Variants in GRIK2 observed in about 807,000 individuals in gnomAD.
GRIK2 encodes glutamate receptor ionotropic, kainate 2.
In GRIK2, 32 loss-of-function variants were observed where a neutral mutation model predicts 100.3. The observed-to-expected ratio is 0.32, with a 90% confidence interval of 0.24 to 0.43. GRIK2 has a LOEUF of 0.43. Among genes scored for constraint, GRIK2 ranks in the 20% least tolerant of loss-of-function variants. The pLI, the probability that GRIK2 is intolerant of heterozygous loss-of-function variation, is 1.00. For synonymous variants in GRIK2, 417 were observed against 389.4 expected, an observed-to-expected ratio of 1.07 and a Z score of -0.83; for missense variants, 843 against 1,114.9, an observed-to-expected ratio of 0.76 and a Z score of 3.47.
intron 2 of GRIK2, among the ~76,000 whole-genome samples, chr6:101,418,973 T>C (rs1031811570): frequency 1.3e-5 from 2 of 152,172 alleles, no homozygotes; most frequent in African/African-American, 4.8e-5. Context: ...TTTAATATAA[T>C]GTCTACATGA....
chr6:101,836,621 A>ATG (rs1562426740), intron 10 of GRIK2, among the ~76,000 whole-genome samples: 1 of 134,128 alleles, frequency 7.5e-6, no homozygotes, highest in East Asian at 2.1e-4. Flanking sequence ...ATATATAGTT[A>ATG]TATATATATA....
chr6:101,875,601 A>AT (rs1199557126), intron 11 of GRIK2, among the ~76,000 whole-genome samples: 2 of 151,662 alleles, frequency 1.3e-5, no homozygotes, highest in Non-Finnish European at 2.9e-5. Context: ...TGTTTTCTAA[A>AT]TTTGCTTTCT....
At chr6:102,043,973 C>T (rs977271376) in intron 15 of GRIK2, among the ~76,000 whole-genome samples, 7 of 151,930 alleles carry the variant, frequency 4.6e-5, no homozygotes, top group African/African-American at 1.7e-4. Context: ...TGAGGCCTCC[C>T]TAACCACAAA....
chr6:101,529,294 T>G (rs1775304394), intron 2 of GRIK2, among the ~76,000 whole-genome samples: 1 of 152,052 alleles, frequency 6.6e-6, no homozygotes, highest in African/African-American at 2.4e-5. Context: ...TGCTTGGCAT[T>G]TAGAGGAATG....
At chr6:101,683,242 A>T (rs1157568140) in intron 6 of GRIK2, among the ~76,000 whole-genome samples, 2 of 151,990 alleles carry the variant, frequency 1.3e-5, no homozygotes, top group Non-Finnish European at 2.9e-5. Flanking sequence ...AAAAGCACAA[A>T]TTCTTATGTT....
chr6:101,524,386 T>TTATA (rs10535374), intron 2 of GRIK2, among the ~76,000 whole-genome samples: 5 of 149,044 alleles, frequency 3.4e-5, no homozygotes, highest in East Asian at 2.0e-4. Context: ...ATGCCCCATT[T>TTATA]TATATATATA....
rs80315773 is a variant in GRIK2 at position 101,533,514 on chromosome 6, C to T, written c.116-88435C>T. On this transcript the variant is annotated intron_variant, in intron 2 of 16. Transcript: ENST00000369134. ...TTTTTCACACTTTGTTGTACCCTCC[C>T]TCTGATGTCCTTTGTAAGGTATCAT... 8.6e-5 allele frequency among the ~76,000 whole-genome samples: 13 copies of T among 151,994 alleles called. No individual in the cohort carries two copies. The East Asian group carries it at 2.3e-3, about 27-fold the overall frequency.
chr6:101,610,283 T>A (rs1384403104), intron 2 of GRIK2, among the ~76,000 whole-genome samples: 4 of 151,652 alleles, frequency 2.6e-5, no homozygotes, highest in East Asian at 1.9e-4. Context: ...AAATTACATA[T>A]GTAGATTGCT....
At chr6:101,475,520 A>G (rs568983089) in intron 2 of GRIK2, among the ~76,000 whole-genome samples, 1 of 151,796 alleles carries the variant, frequency 6.6e-6, no homozygotes, top group East Asian at 1.9e-4. Flanking sequence ...ATAAAGAGCT[A>G]TTTTTTCACT....
At chr6:101,574,376 A>G (rs1019024021) in intron 2 of GRIK2, among the ~76,000 whole-genome samples, 1 of 148,074 alleles carries the variant, frequency 6.8e-6, no homozygotes, top group East Asian at 1.9e-4. Flanking sequence ...ATATAAATAT[A>G]TAAAGTGTAT....
At chr6:101,540,616 A>G (rs973001041) in intron 2 of GRIK2, among the ~76,000 whole-genome samples, 4 of 152,012 alleles carry the variant, frequency 2.6e-5, no homozygotes, top group African/African-American at 9.7e-5. Context: ...TCTGATAACT[A>G]GAAGCATACA....
At chr6:101,921,106 T>A (rs2128469166) in intron 12 of GRIK2, among the ~76,000 whole-genome samples, 1 of 152,076 alleles carries the variant, frequency 6.6e-6, no homozygotes, top group East Asian at 1.9e-4. Context: ...CGACATAATT[T>A]GACAACTGCT....
rs755272121 is a variant in GRIK2, at chr6:101,682,542, T to C, written c.724-11T>C. On this transcript the variant is annotated splice_polypyrimidine_tract_variant and intron_variant, in intron 5 of 16. Transcript: ENST00000369134. ...AAATATGTACCTTCAGTAATTTTTT[T>C]TTTTCCTTAGGCATTAGCTATGGGA... 32 of 1,210,918 alleles carry C rather than the reference T, an allele frequency of 2.6e-5. No homozygotes were observed. The highest frequency in any genetic ancestry group is 3.8e-5 in the Non-Finnish European group (31 of 820,888). 75.0% of individuals were successfully genotyped at this position (1,210,918 alleles called of 1,614,324 possible).
intron 11 of GRIK2, among the ~76,000 whole-genome samples, chr6:101,873,245 C>T (rs1785553571): frequency 8.5e-6 from 1 of 117,100 alleles, no homozygotes; most frequent in Non-Finnish European, 1.7e-5. Context: ...TCCCTCCCCC[C>T]TCCCCCCACC....
At chr6:102,059,701 C>A (rs1771650266) in intron 16 of GRIK2, among the ~76,000 whole-genome samples, 1 of 150,514 alleles carries the variant, frequency 6.6e-6, no homozygotes, top group South Asian at 2.1e-4. Context: ...GTTTAAAATT[C>A]TGCATTTCTT....
At chr6:101,406,457 A>AT (rs1562115104) in intron 2 of GRIK2, among the ~76,000 whole-genome samples, 2 of 151,960 alleles carry the variant, frequency 1.3e-5, no homozygotes, top group African/African-American at 2.4e-5. Context: ...TCTTTTAGTT[A>AT]TTTTTTCTAC....
At chr6:101,724,513 AG>A (rs1774726565) in intron 7 of GRIK2, among the ~76,000 whole-genome samples, 1 of 151,960 alleles carries the variant, frequency 6.6e-6, no homozygotes, top group Non-Finnish European at 1.5e-5. Context: ...GTTGCTCCAA[AG>A]GACATGATTT....
chr6:101,457,430 T>C (rs1158648743), intron 2 of GRIK2, among the ~76,000 whole-genome samples: 1 of 152,162 alleles, frequency 6.6e-6, no homozygotes, highest in Non-Finnish European at 1.5e-5. Flanking sequence ...AGTATGGCAC[T>C]TGACATACCT....
chr6:101,561,089 A>G (rs1318823504), intron 2 of GRIK2, among the ~76,000 whole-genome samples: 2 of 152,206 alleles, frequency 1.3e-5, no homozygotes, highest in Non-Finnish European at 2.9e-5. Context: ...AGATTTTTTC[A>G]TATGAAGTTT....
Sources: allele counts gnomAD v4.1 joint callset (sites outside exome capture counted in the v4.1 genomes callset), GRCh38; gene constraint gnomAD v4.1.1; transcripts MANE v1.5; gene names NCBI Gene and HGNC (gene_info 2026-07-23, HGNC 2026-07-21).